PEAK1: variants seen among roughly 807,000 people sequenced by gnomAD.
PEAK1 encodes the protein inactive tyrosine-protein kinase PEAK1.
A neutral mutation model predicts 124.7 loss-of-function variants in PEAK1; 54 were observed. The observed-to-expected ratio is 0.43, with a 90% CI of 0.35 to 0.54. The LOEUF is 0.54. PEAK1 is among the 20% of genes least tolerant of loss of function. PEAK1 has a pLI of 0.01. For synonymous variants in PEAK1, 719 were observed against 760.0 expected (o/e 0.95, Z 0.89); for missense variants, 2,046 against 2,134.5 (o/e 0.96, Z 0.82).
At chr15:77,266,785 C>T (rs2061758620) in intron 5 of PEAK1, among the ~76,000 whole-genome samples, 2 of 152,170 alleles carry the variant, frequency 1.3e-5, no homozygotes, top group African/African-American at 4.8e-5. Flanking sequence ...ACTTCTGCTC[C>T]AACAACTACC....
intron 2 of PEAK1, among the ~76,000 whole-genome samples, chr15:77,309,301 C>T (rs534160640): frequency 2.0e-5 from 3 of 152,116 alleles, no homozygotes; most frequent in South Asian, 2.1e-4. Context: ...GAAAGTTCAG[C>T]GGCCACCATT....
rs2050921474 is a variant in PEAK1, at chr15:77,110,504, T to C, written c.*3652A>G. 2 of 152,228 alleles carry C rather than the reference T, an allele frequency of 1.3e-5. No homozygotes were observed. Among genetic ancestry groups the C allele is most frequent in the South Asian group, 4.1e-4 (2 of 4,832 alleles). The allele number at this position is 152,228 out of a possible 1,614,324, so 9.4% of individuals were successfully genotyped here. A position where few individuals can be genotyped will look rare whatever the true frequency, so the allele number is the denominator to read the frequency against. On this transcript the variant is annotated 3_prime_UTR_variant, in exon 10 of 10. Coordinates refer to ENST00000682557, the MANE Select transcript of PEAK1 (RefSeq NM_001385026.1). ...AGATCTCTTGGCTTAGACTTTCCCA[T>C]GTTTACAAACTTATTCTGAGTTTGG...
chr15:77,396,540 C>T (rs1315714990), intron 1 of PEAK1, among the ~76,000 whole-genome samples: 2 of 152,010 alleles, frequency 1.3e-5, no homozygotes, highest in East Asian at 1.9e-4. Flanking sequence ...AAGAAACACA[C>T]TTCATCTATA....
chr15:77,337,664 T>C (rs1233509523), intron 2 of PEAK1: 9 of 985,264 alleles, frequency 9.1e-6, no homozygotes, highest in Non-Finnish European at 9.6e-6. Context: ...AACCATGGCA[T>C]ATGCAAAAAA....
At chr15:77,390,533 C>G (rs1358480831) in intron 1 of PEAK1, among the ~76,000 whole-genome samples, 3 of 152,180 alleles carry the variant, frequency 2.0e-5, no homozygotes, top group Admixed American at 2.0e-4. Context: ...CCCAGAACAT[C>G]AGCTGCACCT....
At chr15:77,375,786 G>A (rs1198849577) in intron 1 of PEAK1, among the ~76,000 whole-genome samples, 2 of 152,110 alleles carry the variant, frequency 1.3e-5, no homozygotes, top group African/African-American at 2.4e-5. Flanking sequence ...ACGAAGTCAG[G>A]AGATCGAGAC....
intron 9 of PEAK1, among the ~76,000 whole-genome samples, chr15:77,125,991 T>C (rs2052342454): frequency 6.6e-6 from 1 of 152,244 alleles, no homozygotes; most frequent in Non-Finnish European, 1.5e-5. Context: ...TAATTGGTAC[T>C]AGAGGATGGG....
At chr15:77,223,874 C>A (rs2059504004) in intron 6 of PEAK1, among the ~76,000 whole-genome samples, 1 of 149,106 alleles carries the variant, frequency 6.7e-6, no homozygotes, top group Non-Finnish European at 1.5e-5. Context: ...AACCAATAGC[C>A]TCATTTGAGA....
rs552063380 is a variant in PEAK1 at position 77,278,134 on chromosome 15, T to A, written c.-275+5749A>T. ...AGGGTATGTGGGATATCTCTGTATC[T>A]TTTTCTCAGTTTTGATGTTGAACCT... On this transcript the variant is annotated intron_variant, in intron 5 of 9. Coordinates refer to ENST00000682557, the MANE Select transcript of PEAK1 (RefSeq NM_001385026.1). 5.3e-5 allele frequency among the ~76,000 whole-genome samples: 8 copies of A among 152,214 alleles called. No homozygotes were observed. The South Asian group carries it at 1.2e-3, about 24-fold the overall frequency.
chr15:77,143,110 G>A (rs2053912388), intron 8 of PEAK1, among the ~76,000 whole-genome samples: 1 of 152,146 alleles, frequency 6.6e-6, no homozygotes. Context: ...TTTACTGAAT[G>A]TTTCCTGTGA....
At chr15:77,182,836 A>T (rs1455237316) in intron 6 of PEAK1, among the ~76,000 whole-genome samples, 3 of 151,188 alleles carry the variant, frequency 2.0e-5, no homozygotes, top group Non-Finnish European at 4.4e-5. Flanking sequence ...TATAGAGTTT[A>T]TCCTAAGAGC....
Position 77,342,213 on chromosome 15 carries a change from C to G in PEAK1, c.-603+22950G>C, listed in dbSNP as rs76527001. ...AAAATCTTCACCATCTTTAAGTGTA[C>G]AATTCAGTAATGTTAAGTATATTCA... On this transcript the variant is annotated intron_variant, in intron 2 of 9. Coordinates refer to ENST00000682557, the MANE Select transcript of PEAK1 (RefSeq NM_001385026.1). Among the ~76,000 whole-genome samples, 441 of 149,686 alleles carry G rather than the reference C, an allele frequency of 2.9e-3. 2 individuals are homozygous for G. The highest frequency in any genetic ancestry group is 0.01 in the African/African-American group (420 of 40,836).
chr15:77,116,159 G>T (rs565036802), intron 9 of PEAK1, among the ~76,000 whole-genome samples: 5 of 152,316 alleles, frequency 3.3e-5, no homozygotes, highest in African/African-American at 1.2e-4. Context: ...CTACTCTTAA[G>T]GGGTTATCAA....
intron 1 of PEAK1, among the ~76,000 whole-genome samples, chr15:77,368,624 A>C (rs932596740): frequency 2.0e-5 from 3 of 152,230 alleles, no homozygotes; most frequent in African/African-American, 7.2e-5. Context: ...AGCAATAAGT[A>C]AGACAATGGA....
At chr15:77,272,804 C>A (rs115528825) in intron 5 of PEAK1, among the ~76,000 whole-genome samples, 5,055 of 151,648 alleles carry the variant, frequency 0.033, 283 homozygotes, top group African/African-American at 0.11. Flanking sequence ...AAGGACATAA[C>A]CAAAAAAAGA....
At chr15:77,278,225 G>A (rs2062442229) in intron 5 of PEAK1, among the ~76,000 whole-genome samples, 1 of 152,064 alleles carries the variant, frequency 6.6e-6, no homozygotes, top group East Asian at 1.9e-4. Context: ...ATGAACAGGT[G>A]ATTAAGTACA....
rs1028759330 is a variant in PEAK1, at chr15:77,338,111, G to A, written c.-603+27052C>T. 9 of 983,922 alleles carry A rather than the reference G, an allele frequency of 9.1e-6. No individual in the cohort carries two copies. In the Admixed American group the frequency reaches 2.5e-4, roughly 27 times the overall value. The allele number at this position is 983,922 out of a possible 1,614,324, so 60.9% of individuals were successfully genotyped here. Reference sequence around the variant, plus strand: ...ACCAATGAAAGGGTAAATAAGCAATGATAATCAAATCAGCAGTGACAGATT... The same window carrying A: ...ACCAATGAAAGGGTAAATAAGCAATAATAATCAAATCAGCAGTGACAGATT... On this transcript the variant is annotated intron_variant, in intron 2 of 9. Transcript: ENST00000682557.
At chr15:77,314,955 A>G (rs2064780474) in intron 2 of PEAK1, among the ~76,000 whole-genome samples, 2 of 152,164 alleles carry the variant, frequency 1.3e-5, no homozygotes, top group African/African-American at 4.8e-5. Flanking sequence ...CACTCTGCTC[A>G]CTACCTGGGT....
At chr15:77,390,050 G>A (rs189724800) in intron 1 of PEAK1, among the ~76,000 whole-genome samples, 77 of 152,308 alleles carry the variant, frequency 5.1e-4, no homozygotes, top group African/African-American at 1.8e-3. Context: ...CTATGAAGTG[G>A]ATACTTTTAT....
Sources: gnomAD v4.1 joint callset for allele counts (sites outside exome capture counted in the v4.1 genomes callset) on GRCh38, gnomAD v4.1.1 for gene constraint, MANE v1.5 for transcripts, NCBI Gene and HGNC (gene_info 2026-07-23, HGNC 2026-07-21) for gene names.